CPNE5: variants seen among roughly 807,000 people sequenced by gnomAD.
CPNE5 encodes copine-5.
Under a neutral mutation model 81.1 loss-of-function variants are expected in CPNE5, and 42 were observed. That is an observed-to-expected ratio of 0.52 (90% CI 0.40 to 0.67). The LOEUF is 0.67. Ranked by LOEUF, CPNE5 falls within the 30% of genes least tolerant of loss-of-function variation. The pLI is 0.00. For synonymous variants in CPNE5, 313 were observed against 321.5 expected (o/e 0.97, Z 0.28); for missense variants, 612 against 815.5 (o/e 0.75, Z 3.04).
chr6:36,808,124 C>T (rs545258462), intron 3 of CPNE5, among the ~76,000 whole-genome samples: 2 of 151,166 alleles, frequency 1.3e-5, no homozygotes, highest in Admixed American at 6.6e-5. Context: ...GAGTTTTGCT[C>T]TTGTTGCCCA....
chr6:36,827,493 C>G (rs990051008), intron 1 of CPNE5: 76 of 985,320 alleles, frequency 7.7e-5, no homozygotes, highest in South Asian at 1.4e-4. Flanking sequence ...AAGTGGCCGC[C>G]AGAGATCCCC....
intron 14 of CPNE5, among the ~76,000 whole-genome samples, chr6:36,749,647 T>G (rs756890456): frequency 7.1e-6 from 1 of 141,644 alleles, no homozygotes; most frequent in Non-Finnish European, 1.5e-5. Flanking sequence ...AGCAACATAG[T>G]GAGACCTCAA....
intron 3 of CPNE5, among the ~76,000 whole-genome samples, chr6:36,802,002 C>T (rs1770148608): frequency 6.6e-6 from 1 of 151,950 alleles, no homozygotes; most frequent in Non-Finnish European, 1.5e-5. Context: ...GGGCGGATCA[C>T]GAGGTCAAGA....
At chr6:36,796,398 A>G (rs1340457898) in intron 6 of CPNE5, among the ~76,000 whole-genome samples, 1 of 152,248 alleles carries the variant, frequency 6.6e-6, no homozygotes, top group Non-Finnish European at 1.5e-5. Flanking sequence ...AAACAGACCC[A>G]AATGACTAGT....
chr6:36,771,326 G>C (rs898383116), intron 10 of CPNE5, among the ~76,000 whole-genome samples: 7 of 152,134 alleles, frequency 4.6e-5, no homozygotes, highest in Admixed American at 6.5e-5. Flanking sequence ...CCAGGCTGCC[G>C]GGGTCCACAT....
At chr6:36,783,438 G>A (rs1294417533) in intron 8 of CPNE5, among the ~76,000 whole-genome samples, 1 of 147,000 alleles carries the variant, frequency 6.8e-6, no homozygotes, top group Non-Finnish European at 1.5e-5. Flanking sequence ...TAGATATAAT[G>A]TTATATGTAT....
rs186380585 is a variant in CPNE5 at position 36,763,401 on chromosome 6, G to A, written c.780-409C>T. Reference sequence around the variant, plus strand: ...GCAGATCACCTGAGGTCAGGAGTTCGAGACCAGCCTGGCCAATAAGGTGAA... The same window carrying A: ...GCAGATCACCTGAGGTCAGGAGTTCAAGACCAGCCTGGCCAATAAGGTGAA... On this transcript the variant is annotated intron_variant, in intron 11 of 20. Coordinates refer to ENST00000244751, the MANE Select transcript of CPNE5 (RefSeq NM_020939.2). Among the ~76,000 whole-genome samples, 629 of 152,230 alleles carry A rather than the reference G, an allele frequency of 4.1e-3. 3 individuals carry two copies. The highest frequency in any genetic ancestry group is 0.014 in the African/African-American group (577 of 41,526).
chr6:36,743,122 G>C (rs925933727), intron 20 of CPNE5: 115 of 985,302 alleles, frequency 1.2e-4, no homozygotes, highest in South Asian at 4.2e-4. Flanking sequence ...GGGGTATGCA[G>C]GATGTCAGCT....
At chr6:36,789,203 C>CT (rs1361624999) in intron 8 of CPNE5, among the ~76,000 whole-genome samples, 1 of 152,216 alleles carries the variant, frequency 6.6e-6, no homozygotes, top group Non-Finnish European at 1.5e-5. Context: ...GAAGGGAGGG[C>CT]GCTCCCTGCC....
chr6:36,763,133 G>A lies in CPNE5; in HGVS notation c.780-141C>T. On this transcript the variant is annotated intron_variant, in intron 11 of 20. Coordinates refer to ENST00000244751, the MANE Select transcript of CPNE5 (RefSeq NM_020939.2). Reference sequence around the variant, plus strand: ...AGGGGCACACGCCAGCAGACAGGCTGGGTCCGTGGGAAGAGAGCCCAGTGT... The same window carrying A: ...AGGGGCACACGCCAGCAGACAGGCTAGGTCCGTGGGAAGAGAGCCCAGTGT... The A allele has an allele frequency of 4.1e-6, 3 of 723,244 alleles. No homozygotes were observed. The East Asian group carries it at 7.8e-5, about 19-fold the overall frequency. The allele number at this position is 723,244 out of a possible 1,614,324, so 44.8% of individuals were successfully genotyped here. A position where few individuals can be genotyped will look rare whatever the true frequency, so the allele number is the denominator to read the frequency against.
At chr6:36,816,574 T>C (rs1561815291) in intron 3 of CPNE5, among the ~76,000 whole-genome samples, 2 of 152,094 alleles carry the variant, frequency 1.3e-5, no homozygotes, top group Non-Finnish European at 2.9e-5. Context: ...AACAGAGAGG[T>C]GATTTGTTCC....
chr6:36,807,999 G>A (rs1168729573), intron 3 of CPNE5, among the ~76,000 whole-genome samples: 1 of 152,234 alleles, frequency 6.6e-6, no homozygotes, highest in African/African-American at 2.4e-5. Context: ...AAGGAGAGAG[G>A]TCGCCCGCTC....
At chr6:36,756,742 G>A (rs1171847107) in intron 12 of CPNE5, among the ~76,000 whole-genome samples, 1 of 152,094 alleles carries the variant, frequency 6.6e-6, no homozygotes, top group Non-Finnish European at 1.5e-5. Context: ...CCAGCCCAAG[G>A]GCTGCCCAGG....
At chr6:36,815,798 A>G (rs1725186863) in intron 3 of CPNE5, among the ~76,000 whole-genome samples, 1 of 152,240 alleles carries the variant, frequency 6.6e-6, no homozygotes, top group South Asian at 2.1e-4. Flanking sequence ...ATTCTCCTCA[A>G]AAAAGAGACT....
At chr6:36,765,011 G>A (rs1349071615) in intron 11 of CPNE5, among the ~76,000 whole-genome samples, 3 of 152,212 alleles carry the variant, frequency 2.0e-5, no homozygotes, top group African/African-American at 7.2e-5. Context: ...TCTTCAGAAA[G>A]CCCTAAATTC....
chr6:36,772,395 C>T (rs185945003), intron 10 of CPNE5, among the ~76,000 whole-genome samples: 1 of 152,334 alleles, frequency 6.6e-6, no homozygotes, highest in Admixed American at 6.5e-5. Context: ...CCCTCACCCA[C>T]TCTAGAAGCC....
At chr6:36,831,742 C>A (rs1319227330) in intron 1 of CPNE5, among the ~76,000 whole-genome samples, 1 of 151,756 alleles carries the variant, frequency 6.6e-6, no homozygotes, top group Non-Finnish European at 1.5e-5. Context: ...TACCTATTAC[C>A]ATGATTAAAC....
intron 3 of CPNE5, among the ~76,000 whole-genome samples, chr6:36,810,060 C>T (rs76056241): frequency 0.023 from 3,471 of 152,044 alleles, 64 homozygotes; most frequent in African/African-American, 0.046. Flanking sequence ...CCATGGTGGG[C>T]GAGGAAGGGC....
In CPNE5 at chr6:36,759,361, C is replaced by T. The variant is rs191990781; in HGVS notation, c.856-3063G>A. Among the ~76,000 whole-genome samples, 1,155 of 151,272 alleles carry T rather than the reference C, an allele frequency of 7.6e-3. 16 individuals carry two copies. Among genetic ancestry groups the T allele is most frequent in the African/African-American group, 0.027 (1,094 of 41,172 alleles). On this transcript the variant is annotated intron_variant, in intron 12 of 20. Transcript: ENST00000244751. ...GGGCCAGCGCCACCTAGGGGCCAGC[C>T]GAGGAGCTGCCCCTCCACTAAGTCA...
Sources: gnomAD v4.1 joint callset for allele counts (sites outside exome capture counted in the v4.1 genomes callset) on GRCh38, gnomAD v4.1.1 for gene constraint, MANE v1.5 for transcripts, NCBI Gene and HGNC (gene_info 2026-07-23, HGNC 2026-07-21) for gene names.